The following SDK2 variants were observed in gnomAD, a reference collection of about 807,000 sequenced individuals.
The protein encoded by SDK2 is protein sidekick-2.
Under a neutral mutation model 253.9 loss-of-function variants are expected in SDK2, and 105 were observed. The ratio of observed to expected loss-of-function variants is 0.41; its 90% CI spans 0.35 to 0.49. The LOEUF (loss-of-function observed/expected upper bound fraction) is 0.49, where lower values mean the gene tolerates loss of function less well. Ranked by LOEUF, SDK2 falls within the 20% of genes least tolerant of loss-of-function variation. SDK2 has a pLI of 0.06. For missense variants in SDK2, 2,608 were observed against 3,003.0 expected, an observed-to-expected ratio of 0.87 and a Z score of 3.07; for synonymous variants, 1,249 against 1,234.9, an observed-to-expected ratio of 1.01 and a Z score of -0.24.
intron 1 of SDK2, among the ~76,000 whole-genome samples, chr17:73,638,140 A>T (rs2046355141): frequency 6.6e-6 from 1 of 152,176 alleles, no homozygotes; most frequent in African/African-American, 2.4e-5. Context: ...TCAGCTCTGG[A>T]GATGGGGCGA....
chr17:73,537,853 A>G (rs1429577983), intron 1 of SDK2, among the ~76,000 whole-genome samples: 1 of 152,186 alleles, frequency 6.6e-6, no homozygotes, highest in African/African-American at 2.4e-5. Flanking sequence ...TTATGAGTGA[A>G]AATAAAAAAT....
rs777185686 is a variant in SDK2, at chr17:73,334,698, A to C, written c.*3889T>G. ...CTTTTGGTTATTCTGATGGAAACAA[A>C]GAGAAGGGGGGTGGTCCCGAGGGGG... On this transcript the variant is annotated 3_prime_UTR_variant, in exon 45 of 45. Transcript: ENST00000392650. 6.6e-6 allele frequency: 1 copy of C among 152,368 alleles called. No homozygotes were observed. The highest frequency in any genetic ancestry group is 2.1e-4 in the South Asian group (1 of 4,832). The allele number at this position is 152,368 out of a possible 1,614,324, so 9.4% of individuals were successfully genotyped here. A position where few individuals can be genotyped will look rare whatever the true frequency, so the allele number is the denominator to read the frequency against.
chr17:73,350,308 A>C lies in SDK2; in HGVS notation c.5967T>G (p.Pro1989=). The change falls in exon 43 of 45, where the codon CCT becomes CCG. Residue 1989 remains proline, a synonymous_variant. Transcript: ENST00000392650. ...GCCGCCTGTTGTTGAGTTCCAGGGC[A>C]GGGAAGCTGCTTTCATCCAAGCTCA... is the stretch of plus-strand genomic sequence containing the variant. ...EMMSLDESSF[P]ALELNNRRLS... 6.2e-7 allele frequency: 1 copy of C among 1,613,502 alleles called. No homozygotes were observed. The highest frequency in any genetic ancestry group is 1.1e-5 in the South Asian group (1 of 90,910).
At chr17:73,539,701 C>T (rs1488891983) in intron 1 of SDK2, among the ~76,000 whole-genome samples, 2 of 152,198 alleles carry the variant, frequency 1.3e-5, no homozygotes, top group Non-Finnish European at 1.5e-5. Context: ...ATGTGACCTT[C>T]TTTGAAAATA....
chr17:73,356,619 A>C (rs1253560810), intron 40 of SDK2, among the ~76,000 whole-genome samples: 1 of 152,158 alleles, frequency 6.6e-6, no homozygotes, highest in African/African-American at 2.4e-5. Flanking sequence ...TGGAGGGGAG[A>C]GATGCTCACC....
chr17:73,557,096 G>A (rs1309997108), intron 1 of SDK2, among the ~76,000 whole-genome samples: 4 of 152,198 alleles, frequency 2.6e-5, no homozygotes, highest in East Asian at 1.9e-4. Flanking sequence ...GTATAAAACC[G>A]AGCAAATCAA....
intron 3 of SDK2, among the ~76,000 whole-genome samples, chr17:73,462,850 T>C (rs2063573307): frequency 6.6e-6 from 1 of 152,196 alleles, no homozygotes; most frequent in African/African-American, 2.4e-5. Flanking sequence ...AGTCTCTCCA[T>C]TGTACTTTGT....
At position 73,391,530 on chromosome 17, in the gene SDK2, G is replaced by C; in HGVS notation, c.3907C>G (p.Pro1303Ala). 7.7e-7 allele frequency: 1 copy of C among 1,298,300 alleles called. No individual in the cohort carries two copies. The highest frequency in any genetic ancestry group is 9.8e-7 in the Non-Finnish European group (1 of 1,015,356). The allele number at this position is 1,298,300 out of a possible 1,614,324, so 80.4% of individuals were successfully genotyped here. Residue 1303 changes from proline (P) to alanine (A), a missense_variant, in exon 28 of 45, where the codon CCA (proline) becomes GCA (alanine). Transcript: ENST00000392650. ...LERTLDDVPGPPMGILFPEVR... is the reference protein window; with the variant it reads ...LERTLDDVPGAPMGILFPEVR... ...TCTGGGAACAGGATGCCCATGGGTGGTCCTGGGACTGGAGGGGGCAAAGGA... is the reference window on the plus strand; with the variant it reads ...TCTGGGAACAGGATGCCCATGGGTGCTCCTGGGACTGGAGGGGGCAAAGGA...
rs1007975258 is a variant in SDK2, at chr17:73,616,483, G to C, written c.64+27542C>G. Among the ~76,000 whole-genome samples, 6 of 152,168 alleles carry C rather than the reference G, an allele frequency of 3.9e-5. No homozygotes were observed. Among genetic ancestry groups the C allele is most frequent in the Non-Finnish European group, 7.3e-5 (5 of 68,040 alleles). On this transcript the variant is annotated intron_variant, in intron 1 of 44. Coordinates refer to ENST00000392650, the MANE Select transcript of SDK2 (RefSeq NM_001144952.2). The surrounding 1 kb of genome is among the most constrained non-coding windows in gnomAD (Gnocchi z 5.2). ...GACCACTGTCGCAATGCTTAGGCCT[G>C]AGCACGCATTTGTCTTTGTTTGGTT...
At chr17:73,579,055 C>T (rs921177770) in intron 1 of SDK2, among the ~76,000 whole-genome samples, 2 of 152,116 alleles carry the variant, frequency 1.3e-5, no homozygotes, top group African/African-American at 2.4e-5. Flanking sequence ...CCTCCCTTCC[C>T]CTCGGCATCC....
At chr17:73,446,283 C>A (rs1283333390) in intron 5 of SDK2, among the ~76,000 whole-genome samples, 1 of 152,164 alleles carries the variant, frequency 6.6e-6, no homozygotes, top group Non-Finnish European at 1.5e-5. Flanking sequence ...AAACAGCAGC[C>A]CCAGGGTATG....
chr17:73,456,197 G>A, intron 3 of SDK2, 144 bp from the exon 4 acceptor site: 1 of 854,844 alleles, frequency 1.2e-6, no homozygotes. Context: ...CCTTGCTCGG[G>A]CCACCCCATT....
At chr17:73,556,196 T>A (rs1312485331) in intron 1 of SDK2, among the ~76,000 whole-genome samples, 2 of 152,156 alleles carry the variant, frequency 1.3e-5, no homozygotes, top group Non-Finnish European at 1.5e-5. Flanking sequence ...CTGAGGCAGA[T>A]CACCAAGATG....
Position 73,388,591 on chromosome 17 carries a change from C to T in SDK2, c.4193-554G>A, listed in dbSNP as rs539014505. On this transcript the variant is annotated intron_variant, in intron 29 of 44. Coordinates refer to ENST00000392650, the MANE Select transcript of SDK2 (RefSeq NM_001144952.2). ...GCTCAGCAGTGTCCCTGGCCTCCAC[C>T]CACTTGATGCCAGTAGCACTCCCAC... Among the ~76,000 whole-genome samples the T allele has an allele frequency of 4.6e-5, 7 of 152,320 alleles. No homozygotes were observed. In the East Asian group the frequency reaches 9.6e-4, roughly 21 times the overall value.
At chr17:73,555,270 T>G (rs1254167497) in intron 1 of SDK2, among the ~76,000 whole-genome samples, 1 of 152,076 alleles carries the variant, frequency 6.6e-6, no homozygotes, top group Non-Finnish European at 1.5e-5. Flanking sequence ...AGGGCTTGAG[T>G]CTGGAACTGG....
rs1349518369 is a variant in SDK2, at chr17:73,379,361, TG to T, written c.4865-70del. The T allele has an allele frequency of 5.4e-6, 6 of 1,118,512 alleles. No individual in the cohort carries two copies. The highest frequency in any genetic ancestry group is 1.6e-5 in the African/African-American group (1 of 63,722). 69.3% of individuals were successfully genotyped at this position (1,118,512 alleles called of 1,614,324 possible). On this transcript the variant is annotated intron_variant, in intron 35 of 44. Coordinates refer to ENST00000392650, the MANE Select transcript of SDK2 (RefSeq NM_001144952.2). The surrounding 1 kb of genome is among the most constrained non-coding windows in gnomAD (Gnocchi z 4.5). ...GGGAGGGGAGGTGGGCTGGGCGGGA[TG>T]GGGAGCCCAGATCCCGTTTCTTCCA...
At chr17:73,607,658 GC>G (rs2045924354) in intron 1 of SDK2, among the ~76,000 whole-genome samples, 2 of 152,000 alleles carry the variant, frequency 1.3e-5, no homozygotes, top group African/African-American at 4.8e-5. Context: ...AGCCAGATCT[GC>G]ACACCCCAAG....
intron 39 of SDK2, among the ~76,000 whole-genome samples, chr17:73,358,630 G>T (rs947776957): frequency 6.6e-6 from 1 of 152,138 alleles, no homozygotes; most frequent in Non-Finnish European, 1.5e-5. Context: ...AGAGGTGGGT[G>T]CGATGATGGC....
chr17:73,542,273 GT>G (rs2044881021), intron 1 of SDK2, among the ~76,000 whole-genome samples: 1 of 152,240 alleles, frequency 6.6e-6, no homozygotes, highest in Admixed American at 6.5e-5. Flanking sequence ...CAAAACTGAG[GT>G]TGTGACTTGC....
Sources: gnomAD v4.1 joint callset for allele counts (sites outside exome capture counted in the v4.1 genomes callset) on GRCh38, gnomAD v4.1.1 for gene constraint, Gnocchi (gnomAD v3.1) non-coding constraint, MANE v1.5 for transcripts, NCBI Gene and HGNC (gene_info 2026-07-23, HGNC 2026-07-21) for gene names.